MRPL13: variants seen among roughly 807,000 people sequenced by gnomAD.
MRPL13 encodes the protein mitochondrial ribosomal protein L13, also known as large ribosomal subunit protein uL13m.
MRPL13 carries 33 observed loss-of-function variants against 29.0 expected under a neutral mutation model. That is an observed-to-expected ratio of 1.14 (90% CI 0.86 to 1.52). MRPL13 has a LOEUF of 1.52. Among genes scored for constraint, MRPL13 ranks in the 40% most tolerant of loss-of-function variants. The pLI is 0.00. For synonymous variants in MRPL13, 77 were observed against 68.4 expected (o/e 1.13, Z -0.62); for missense variants, 227 against 216.7 (o/e 1.05, Z -0.30).
intron 6 of MRPL13, among the ~76,000 whole-genome samples, chr8:120,405,489 C>T (rs980118392): frequency 6.6e-6 from 1 of 152,192 alleles, no homozygotes; most frequent in African/African-American, 2.4e-5. Context: ...CCACTTGATG[C>T]ATTGCTGGTT....
chr8:120,427,452 A>G (rs1417919921), intron 3 of MRPL13, among the ~76,000 whole-genome samples: 3 of 152,212 alleles, frequency 2.0e-5, no homozygotes, highest in Non-Finnish European at 4.4e-5. Flanking sequence ...AAAAAAATCA[A>G]TGGACAAAGA....
rs114436759 is a variant in MRPL13, at chr8:120,427,837, T to C, written c.246-2471A>G. Among the ~76,000 whole-genome samples the C allele has an allele frequency of 6.2e-3, 946 of 151,678 alleles. 9 individuals carry two copies. The highest frequency in any genetic ancestry group is 0.022 in the African/African-American group (913 of 41,376). ...TTTAATAATAAAAAGCAATCAGAGATGACACAGACAAACGGAAAAACACTC... is the reference window on the plus strand; with the variant it reads ...TTTAATAATAAAAAGCAATCAGAGACGACACAGACAAACGGAAAAACACTC... On this transcript the variant is annotated intron_variant, in intron 3 of 6. Coordinates refer to ENST00000306185, the MANE Select transcript of MRPL13 (RefSeq NM_014078.6).
intron 1 of MRPL13, among the ~76,000 whole-genome samples, chr8:120,443,796 G>C (rs994293204): frequency 6.6e-6 from 1 of 152,078 alleles, no homozygotes; most frequent in African/African-American, 2.4e-5. Flanking sequence ...CAATTCCTGG[G>C]GAGAGTTAAA....
At chr8:120,432,720 T>C (rs1813009017) in intron 2 of MRPL13, among the ~76,000 whole-genome samples, 1 of 152,066 alleles carries the variant, frequency 6.6e-6, no homozygotes, top group Non-Finnish European at 1.5e-5. Context: ...ACTACGTAAA[T>C]ATATTTGACA....
intron 3 of MRPL13, among the ~76,000 whole-genome samples, chr8:120,425,834 T>C (rs1231787458): frequency 6.6e-6 from 1 of 152,140 alleles, no homozygotes; most frequent in African/African-American, 2.4e-5. Context: ...TAGCAGTTTG[T>C]AAAGGTCTCT....
At chr8:120,430,300 T>C (rs1402518541) in intron 3 of MRPL13, among the ~76,000 whole-genome samples, 2 of 152,028 alleles carry the variant, frequency 1.3e-5, no homozygotes, top group Middle Eastern at 3.2e-3. Context: ...ATTTCCACAA[T>C]GTGGAATCCA....
intron 6 of MRPL13, among the ~76,000 whole-genome samples, chr8:120,402,650 GA>G: frequency 6.6e-6 from 1 of 152,278 alleles, no homozygotes; most frequent in Middle Eastern, 3.4e-3. Flanking sequence ...TGACAAATGG[GA>G]TCTAATTAAA....
rs1318096756 is a variant in MRPL13, at chr8:120,399,403, T to C, written c.516-3278A>G. On this transcript the variant is annotated intron_variant, in intron 6 of 6. Transcript: ENST00000306185. The stretch of plus-strand genomic sequence containing the variant: ...TCATGTCTGGCCAAACCAAGCTTCA[T>C]AAGTGAAGAAGAAATAAGATCTTTT... 3.9e-5 allele frequency among the ~76,000 whole-genome samples: 6 copies of C among 152,138 alleles called. No homozygotes were observed. In the East Asian group the frequency reaches 1.2e-3, roughly 29 times the overall value.
intron 6 of MRPL13, among the ~76,000 whole-genome samples, chr8:120,413,442 A>G (rs945888772): frequency 6.6e-6 from 1 of 152,206 alleles, no homozygotes; most frequent in Non-Finnish European, 1.5e-5. Flanking sequence ...AGGAAGTTAC[A>G]CTTAAATGCT....
At chr8:120,401,638 G>A (rs1287600965) in intron 6 of MRPL13, among the ~76,000 whole-genome samples, 3 of 152,116 alleles carry the variant, frequency 2.0e-5, no homozygotes, top group South Asian at 2.1e-4. Flanking sequence ...ACACAGTACT[G>A]GAAGCTCTGG....
intron 6 of MRPL13, among the ~76,000 whole-genome samples, chr8:120,403,369 C>T (rs916935779): frequency 6.6e-6 from 1 of 152,138 alleles, no homozygotes; most frequent in Non-Finnish European, 1.5e-5. Flanking sequence ...AGCCATTATC[C>T]TCAGCAAACT....
At chr8:120,410,506 T>C (rs1308130693) in intron 6 of MRPL13, among the ~76,000 whole-genome samples, 4 of 152,194 alleles carry the variant, frequency 2.6e-5, no homozygotes, top group African/African-American at 9.7e-5. Flanking sequence ...TTCTAAAGTA[T>C]ATAATATTTA....
rs377148596 is a variant in MRPL13, at chr8:120,433,249, G to A, written c.152-1126C>T. On this transcript the variant is annotated intron_variant, in intron 2 of 6. Coordinates refer to ENST00000306185, the MANE Select transcript of MRPL13 (RefSeq NM_014078.6). The stretch of plus-strand genomic sequence containing the variant: ...CTGTTGGCTACTGAGGCAGTTGGGC[G>A]AATGCAGCAGAACAGCAAATAAAGA... 8.1e-4 allele frequency among the ~76,000 whole-genome samples: 124 copies of A among 152,198 alleles called. 1 individual carries two copies. The highest frequency in any genetic ancestry group is 2.8e-3 in the African/African-American group (117 of 41,548).
intron 1 of MRPL13, chr8:120,444,853 A>T (rs1813184116): frequency 1.7e-5 from 6 of 359,314 alleles, no homozygotes; most frequent in East Asian, 1.5e-4. Flanking sequence ...GAAAGACATG[A>T]AAAGGGCAGA....
Position 120,395,951 on chromosome 8 carries a change from G to A in MRPL13, c.*153C>T, listed in dbSNP as rs780074240. ...TTTTAATTACAATTTCCTATTGAAG[G>A]ACTATACCTTCCTGACCTTTCCCCA... On this transcript the variant is annotated 3_prime_UTR_variant, in exon 7 of 7. Transcript: ENST00000306185. 1.7e-6 allele frequency: 1 copy of A among 575,792 alleles called. No individual in the cohort carries two copies. Among genetic ancestry groups the A allele is most frequent in the Non-Finnish European group, 3.1e-6 (1 of 322,764 alleles). The allele number at this position is 575,792 out of a possible 1,614,324, so 35.7% of individuals were successfully genotyped here.
intron 6 of MRPL13, among the ~76,000 whole-genome samples, chr8:120,406,554 C>CGTGT (rs1563771107): frequency 3.2e-5 from 2 of 62,648 alleles, no homozygotes; most frequent in Non-Finnish European, 6.4e-5. Flanking sequence ...TATATGTGTG[C>CGTGT]ATGTGTGTGT....
intron 2 of MRPL13, among the ~76,000 whole-genome samples, chr8:120,439,158 G>A (rs1813087811): frequency 6.6e-6 from 1 of 152,234 alleles, no homozygotes; most frequent in Non-Finnish European, 1.5e-5. Flanking sequence ...TCCCAGCTGA[G>A]GCTGAACAAG....
intron 6 of MRPL13, among the ~76,000 whole-genome samples, chr8:120,403,723 CA>C (rs1812631770): frequency 6.6e-6 from 1 of 152,160 alleles, no homozygotes; most frequent in South Asian, 2.1e-4. Flanking sequence ...TTTGTTTGCC[CA>C]AAAACAACTT....
intron 4 of MRPL13, among the ~76,000 whole-genome samples, chr8:120,424,626 T>C (rs1251096591): frequency 6.6e-6 from 1 of 151,500 alleles, no homozygotes; most frequent in African/African-American, 2.4e-5. Context: ...TTTAGCAGGG[T>C]GTGGTGGTGT....
Sources: allele counts gnomAD v4.1 joint callset (sites outside exome capture counted in the v4.1 genomes callset), GRCh38; gene constraint gnomAD v4.1.1; transcripts MANE v1.5; gene names NCBI Gene and HGNC (gene_info 2026-07-23, HGNC 2026-07-21).